ERBIN: variants seen among roughly 807,000 people sequenced by gnomAD.
ERBIN encodes the protein densin-180-like protein.
In ERBIN, 60 loss-of-function variants were observed where a neutral mutation model predicts 158.4. The ratio of observed to expected loss-of-function variants is 0.38; its 90% CI spans 0.31 to 0.47. The LOEUF is 0.47. Among genes scored for constraint, ERBIN ranks in the 20% least tolerant of loss-of-function variants. The pLI is 0.99. For missense variants in ERBIN, 1,610 were observed against 1,648.0 expected (o/e 0.98, Z 0.40); for synonymous variants, 594 against 557.2 (o/e 1.07, Z -0.93).
chr5:66,013,731 T>G, intron 6 of ERBIN, 93 bp downstream of exon 6: 1 of 720,294 alleles, frequency 1.4e-6, no homozygotes. Flanking sequence ...TCATTACAGT[T>G]TCATAGGCTC....
At position 66,043,218 on chromosome 5, in the gene ERBIN, T is replaced by G; in HGVS notation, c.1428+20T>G. 1 of 1,607,236 alleles carries G rather than the reference T, an allele frequency of 6.2e-7. No homozygotes were observed. ...CCCAGGGTGAGTCTGTTCTTTATTC[T>G]TTAAAATTTGAAACAAGTCTGCTGA... On this transcript the variant is annotated intron_variant, in intron 16 of 25. Coordinates refer to ENST00000284037, the MANE Select transcript of ERBIN (RefSeq NM_001253697.2).
At chr5:65,989,407 T>G (rs1002934078) in intron 2 of ERBIN, among the ~76,000 whole-genome samples, 1 of 152,236 alleles carries the variant, frequency 6.6e-6, no homozygotes, top group African/African-American at 2.4e-5. Context: ...CCACTGAATT[T>G]GATCTGAGGT....
intron 1 of ERBIN, among the ~76,000 whole-genome samples, chr5:65,977,637 A>T (rs1236265942): frequency 1.5e-5 from 2 of 133,480 alleles, no homozygotes; most frequent in Non-Finnish European, 3.2e-5. Flanking sequence ...CCTAGATGGG[A>T]TGGTGGCCGG....
At chr5:65,945,269 G>A (rs1219911987) in intron 1 of ERBIN, among the ~76,000 whole-genome samples, 1 of 152,218 alleles carries the variant, frequency 6.6e-6, no homozygotes, top group Non-Finnish European at 1.5e-5. Context: ...AAGGCAACTA[G>A]TATGACACCA....
chr5:65,973,500 G>A (rs1038087959), intron 1 of ERBIN, among the ~76,000 whole-genome samples: 13 of 151,190 alleles, frequency 8.6e-5, no homozygotes, highest in Admixed American at 6.6e-5. Flanking sequence ...AAGAGGGACC[G>A]GAAGAAATAA....
chr5:65,987,367 TACACACACACACAC>T (rs56222591), intron 1 of ERBIN, among the ~76,000 whole-genome samples: 1 of 135,684 alleles, frequency 7.4e-6, no homozygotes, highest in African/African-American at 2.8e-5. Flanking sequence ...AGAGACTGTC[TACACACACACACAC>T]ACACACACAC....
intron 1 of ERBIN, among the ~76,000 whole-genome samples, chr5:65,933,388 T>A (rs1195942169): frequency 6.6e-6 from 1 of 152,212 alleles, no homozygotes; most frequent in Non-Finnish European, 1.5e-5. Flanking sequence ...GAGAAATATT[T>A]AACGAGTTTC....
At chr5:66,040,441 A>G (rs1757812961) in intron 15 of ERBIN, among the ~76,000 whole-genome samples, 1 of 151,960 alleles carries the variant, frequency 6.6e-6, no homozygotes, top group African/African-American at 2.4e-5. Flanking sequence ...AAGTAGCAAA[A>G]TCTTGCCACT....
intron 1 of ERBIN, among the ~76,000 whole-genome samples, chr5:65,943,587 C>T (rs534429982): frequency 2.6e-5 from 4 of 152,266 alleles, no homozygotes; most frequent in Admixed American, 2.6e-4. Flanking sequence ...TGTGTACATC[C>T]TGTTCATCCA....
chr5:65,958,634 GA>G, intron 1 of ERBIN, among the ~76,000 whole-genome samples: 2 of 150,846 alleles, frequency 1.3e-5, no homozygotes, highest in South Asian at 4.2e-4. Context: ...ACCGTGGGGA[GA>G]GGGGGAGAGA....
chr5:66,072,892 A>G (rs1253429425), intron 22 of ERBIN, among the ~76,000 whole-genome samples: 3 of 152,182 alleles, frequency 2.0e-5, no homozygotes, highest in Non-Finnish European at 1.5e-5. Flanking sequence ...AAGCATAGTT[A>G]TTTATTACAT....
At chr5:66,057,068 T>C (rs1759662713) in intron 21 of ERBIN, among the ~76,000 whole-genome samples, 2 of 152,354 alleles carry the variant, frequency 1.3e-5, no homozygotes, top group South Asian at 4.1e-4. Context: ...ATTCATGTTT[T>C]ATAAACCACA....
At chr5:65,988,058 T>G (rs1751457572) in intron 1 of ERBIN, among the ~76,000 whole-genome samples, 2 of 152,192 alleles carry the variant, frequency 1.3e-5, no homozygotes, top group Admixed American at 6.5e-5. Flanking sequence ...TATAAATGTA[T>G]GAAGACTATC....
chr5:66,057,376 C>A (rs1184029334), intron 21 of ERBIN, among the ~76,000 whole-genome samples: 1 of 152,094 alleles, frequency 6.6e-6, no homozygotes, highest in Non-Finnish European at 1.5e-5. Flanking sequence ...TATCTTCATC[C>A]TCATCATCAC....
intron 10 of ERBIN, chr5:66,025,207 G>T: frequency 2.5e-6 from 1 of 396,104 alleles, no homozygotes; most frequent in East Asian, 5.6e-5. Context: ...CTACAACAGT[G>T]AACAACGAAG....
At position 66,023,271 on chromosome 5, in the gene ERBIN, C is replaced by A; in HGVS notation, c.598-19C>A. 2.5e-6 allele frequency: 4 copies of A among 1,597,018 alleles called. No homozygotes were observed. The highest frequency in any genetic ancestry group is 1.1e-5 in the South Asian group (1 of 90,318). The stretch of plus-strand genomic sequence containing the variant: ...AAAATTAATTGAATTACTGCTATCC[C>A]CTACCCTAATCCCAACAGCCTGAAG... On this transcript the variant is annotated intron_variant, in intron 8 of 25. Transcript: ENST00000284037.
At position 66,018,487 on chromosome 5, in the gene ERBIN, T is replaced by TTA. The variant is rs369036297; in HGVS notation, c.534-2831_534-2830dup. Among the ~76,000 whole-genome samples, 47 of 6,580 alleles carry TTA rather than the reference T, an allele frequency of 7.1e-3. 7 individuals are homozygous for TTA. The highest frequency in any genetic ancestry group is 9.5e-3 in the Non-Finnish European group (35 of 3,668). The allele number at this position is 6,580 out of a possible 152,430, so 4.3% of individuals were successfully genotyped here. ...TATAATATATATTATATATTATATA[T>TTA]TATATTATATAATATATATTATATA... On this transcript the variant is annotated intron_variant, in intron 7 of 25. Coordinates refer to ENST00000284037, the MANE Select transcript of ERBIN (RefSeq NM_001253697.2).
intron 4 of ERBIN, among the ~76,000 whole-genome samples, chr5:66,002,380 A>G (rs1753098587): frequency 6.6e-6 from 1 of 152,240 alleles, no homozygotes; most frequent in African/African-American, 2.4e-5. Context: ...TGCTGTTGCA[A>G]TCAAATGGCT....
intron 19 of ERBIN, among the ~76,000 whole-genome samples, chr5:66,049,262 A>T (rs1758782821): frequency 6.6e-6 from 1 of 152,052 alleles, no homozygotes; most frequent in African/African-American, 2.4e-5. Flanking sequence ...CTTTCATATA[A>T]GACAATCTTA....
Sources: allele counts gnomAD v4.1 joint callset (sites outside exome capture counted in the v4.1 genomes callset), GRCh38; gene constraint gnomAD v4.1.1; transcripts MANE v1.5; gene names NCBI Gene and HGNC (gene_info 2026-07-23, HGNC 2026-07-21).